SLC25A12: variants seen among roughly 807,000 people sequenced by gnomAD.
SLC25A12 encodes solute carrier family 25 member 12.
In SLC25A12, 32 loss-of-function variants were observed where a neutral mutation model predicts 83.3. The ratio of observed to expected loss-of-function variants is 0.38; its 90% CI spans 0.29 to 0.52. The LOEUF (loss-of-function observed/expected upper bound fraction) is 0.52. Among genes scored for constraint, SLC25A12 ranks in the 20% least tolerant of loss-of-function variants. The pLI, the probability that SLC25A12 is intolerant of heterozygous loss-of-function variation, is 0.84. For missense variants in SLC25A12, 611 were observed against 835.6 expected, an observed-to-expected ratio of 0.73 and a Z score of 3.31; for synonymous variants, 267 against 291.1, an observed-to-expected ratio of 0.92 and a Z score of 0.84.
chr2:171,803,468 C>T (rs906296844), intron 13 of SLC25A12, among the ~76,000 whole-genome samples: 4 of 151,966 alleles, frequency 2.6e-5, no homozygotes, highest in Non-Finnish European at 4.4e-5. Context: ...TAAAAATAGG[C>T]AAAAATTCTG....
intron 9 of SLC25A12, among the ~76,000 whole-genome samples, chr2:171,824,626 A>C (rs191674932): frequency 3.3e-5 from 5 of 152,200 alleles, no homozygotes; most frequent in Admixed American, 2.0e-4. Flanking sequence ...ACAAAAAATA[A>C]AATTAAATTC....
In SLC25A12 at chr2:171,815,122, T is replaced by C; in HGVS notation, c.1011A>G (p.Gly337=). The C allele has an allele frequency of 6.2e-7, 1 of 1,612,692 alleles. No homozygotes were observed. The change falls in exon 10 of 18, where the codon GGA becomes GGG. Residue 337 remains glycine (G), a splice_region_variant and synonymous_variant. Transcript: ENST00000422440. ...AYRFTLGSVA[G]AVGATAVYPI... ...ACAGCACACAGACATGTCACTCACC[T>C]CCAGCAACTGAGCCCAGAGTGAATC...
At chr2:171,854,359 C>G (rs1214291966) in intron 4 of SLC25A12, among the ~76,000 whole-genome samples, 2 of 152,088 alleles carry the variant, frequency 1.3e-5, no homozygotes, top group Non-Finnish European at 2.9e-5. Flanking sequence ...ATGAGGTCAA[C>G]TGTTCGAGAC....
chr2:171,801,905 ATC>A (rs1683714424), intron 13 of SLC25A12, among the ~76,000 whole-genome samples: 2 of 96,222 alleles, frequency 2.1e-5, no homozygotes, highest in South Asian at 7.8e-4. Context: ...GAATATCTGG[ATC>A]TGTGTGTGTG....
intron 9 of SLC25A12, among the ~76,000 whole-genome samples, chr2:171,822,772 T>C (rs1684220434): frequency 1.3e-5 from 2 of 152,222 alleles, no homozygotes; most frequent in Admixed American, 1.3e-4. Context: ...CTCTCCCTCA[T>C]AACTTCTAGT....
chr2:171,785,926 A>G (rs1441967205), intron 17 of SLC25A12, among the ~76,000 whole-genome samples: 1 of 152,068 alleles, frequency 6.6e-6, no homozygotes, highest in Non-Finnish European at 1.5e-5. Context: ...CACCACACCC[A>G]GGCTGGTTTT....
chr2:171,845,864 T>G, intron 4 of SLC25A12: 1 of 454,672 alleles, frequency 2.2e-6, no homozygotes. Flanking sequence ...CTTCCCTAAG[T>G]AGGGACAAAT....
chr2:171,794,590 G>GA (rs11450885), intron 13 of SLC25A12, among the ~76,000 whole-genome samples: 44,346 of 134,960 alleles, frequency 0.33, 7,082 homozygotes, highest in African/African-American at 0.44. Context: ...AACTAGTAGA[G>GA]AAAAAAAAAA....
At chr2:171,867,178 G>T (rs1325233424) in intron 3 of SLC25A12, among the ~76,000 whole-genome samples, 4 of 139,262 alleles carry the variant, frequency 2.9e-5, no homozygotes, top group African/African-American at 1.1e-4. Context: ...GGCTCCTCAC[G>T]TCCCAGACGA....
At chr2:171,811,934 AAAC>A (rs1247701836) in intron 11 of SLC25A12, among the ~76,000 whole-genome samples, 1 of 152,240 alleles carries the variant, frequency 6.6e-6, no homozygotes, top group Non-Finnish European at 1.5e-5. Context: ...TCAAGGAAAA[AAAC>A]AACCTTAATG....
chr2:171,827,441 G>A (rs1169343629), intron 8 of SLC25A12, among the ~76,000 whole-genome samples: 3 of 152,060 alleles, frequency 2.0e-5, no homozygotes, highest in Non-Finnish European at 4.4e-5. Flanking sequence ...CATTTGCGTA[G>A]GATGTAACTT....
chr2:171,837,366 A>T (rs1684581643), intron 5 of SLC25A12, 99 bp from the exon 6 acceptor site: 2 of 1,264,244 alleles, frequency 1.6e-6, no homozygotes, highest in Admixed American at 3.4e-5. Flanking sequence ...CCACACATGT[A>T]CTTACTACAA....
intron 8 of SLC25A12, among the ~76,000 whole-genome samples, chr2:171,828,756 A>G (rs538433465): frequency 1.3e-5 from 2 of 152,368 alleles, no homozygotes; most frequent in Admixed American, 1.3e-4. Context: ...GTTCATGGCT[A>G]TCACTCCAGT....
chr2:171,886,555 G>A (rs962378018), intron 2 of SLC25A12, among the ~76,000 whole-genome samples: 8 of 151,142 alleles, frequency 5.3e-5, no homozygotes, highest in African/African-American at 1.9e-4. Context: ...TGTCGCCCAG[G>A]CTGGAGTGCA....
intron 2 of SLC25A12, chr2:171,871,677 C>G (rs1685461021): frequency 1.0e-6 from 1 of 977,000 alleles, no homozygotes; most frequent in African/African-American, 1.8e-5. Context: ...GTTAGTTCCT[C>G]TCTCCTCCAC....
At chr2:171,891,417 AT>A (rs1356089554) in intron 2 of SLC25A12, among the ~76,000 whole-genome samples, 1 of 152,108 alleles carries the variant, frequency 6.6e-6, no homozygotes, top group African/African-American at 2.4e-5. Flanking sequence ...ATCACAGTAT[AT>A]TTTTTTCCCA....
chr2:171,824,978 C>T (rs996209787), intron 9 of SLC25A12, among the ~76,000 whole-genome samples: 5 of 151,258 alleles, frequency 3.3e-5, no homozygotes, highest in African/African-American at 1.2e-4. Context: ...TAATTTTTTG[C>T]ATTTTTTTTT....
At chr2:171,815,502 G>A (rs1006447273) in intron 9 of SLC25A12, among the ~76,000 whole-genome samples, 8 of 152,148 alleles carry the variant, frequency 5.3e-5, no homozygotes, top group Non-Finnish European at 1.0e-4. Context: ...ATCTGCTACT[G>A]TTGGGGGAAT....
chr2:171,888,436 T>A (rs952546973), intron 2 of SLC25A12, among the ~76,000 whole-genome samples: 27 of 151,588 alleles, frequency 1.8e-4, no homozygotes, highest in East Asian at 9.7e-4. Context: ...ATATATATAT[T>A]TTTTTAATTA....
Sources: gnomAD v4.1 joint callset for allele counts (sites outside exome capture counted in the v4.1 genomes callset) on GRCh38, gnomAD v4.1.1 for gene constraint, MANE v1.5 for transcripts, NCBI Gene and HGNC (gene_info 2026-07-23, HGNC 2026-07-21) for gene names.